LCOR: variants seen among roughly 807,000 people sequenced by gnomAD.
LCOR encodes ligand dependent nuclear receptor corepressor.
LCOR carries 14 observed loss-of-function variants against 64.4 expected under a neutral mutation model. The observed-to-expected ratio is 0.22, with a 90% CI of 0.14 to 0.34. LCOR has a LOEUF of 0.34. LCOR is among the 10% of genes least tolerant of loss of function. The probability of loss-of-function intolerance (pLI) is 1.00; values close to 1 mark genes in which losing one functional copy is unlikely to be tolerated. For missense variants in LCOR, 1,686 were observed against 1,765.3 expected (o/e 0.96, Z 0.80); for synonymous variants, 643 against 642.5 (o/e 1.00, Z -0.01).
chr10:96,874,373 C>G (rs1846128658), intron 2 of LCOR, among the ~76,000 whole-genome samples: 1 of 152,144 alleles, frequency 6.6e-6, no homozygotes, highest in Non-Finnish European at 1.5e-5. Context: ...TCAATGACTC[C>G]TTATAATCTT....
chr10:96,921,430 C>T (rs754309269), intron 4 of LCOR, among the ~76,000 whole-genome samples: 10 of 151,962 alleles, frequency 6.6e-5, no homozygotes, highest in Non-Finnish European at 1.3e-4. Flanking sequence ...ATACGGTGTA[C>T]GGCAAGGATC....
intron 2 of LCOR, among the ~76,000 whole-genome samples, chr10:96,874,450 C>T (rs1846129819): frequency 6.6e-6 from 1 of 152,004 alleles, no homozygotes; most frequent in Admixed American, 6.6e-5. Flanking sequence ...ACTATTTTAC[C>T]CAATTTATCT....
intron 5 of LCOR, among the ~76,000 whole-genome samples, chr10:96,945,573 A>G (rs1223478250): frequency 6.6e-6 from 1 of 152,062 alleles, no homozygotes; most frequent in African/African-American, 2.4e-5. Flanking sequence ...CAAAATAATC[A>G]TTTTCTTAGT....
chr10:96,875,232 AAGTT>A (rs1463378971), intron 2 of LCOR, among the ~76,000 whole-genome samples: 2 of 151,764 alleles, frequency 1.3e-5, no homozygotes, highest in Non-Finnish European at 2.9e-5. Flanking sequence ...AAAATACAAA[AAGTT>A]AGCCGAGCGT....
intron 2 of LCOR, among the ~76,000 whole-genome samples, chr10:96,847,462 A>G (rs1283708508): frequency 2.0e-5 from 3 of 151,806 alleles, no homozygotes; most frequent in African/African-American, 7.3e-5. Flanking sequence ...TTTTTGAGAC[A>G]GAGTTTTGCT....
chr10:96,850,161 A>G lies in LCOR; in HGVS notation c.-330+16682A>G, dbSNP rs949089504. On this transcript the variant is annotated intron_variant, in intron 2 of 7. Transcript: ENST00000421806. ...TTAGTAAAAAATAGAAAAGCACTGC[A>G]TGAAGCTGAAAATGACCTTGATTAG... Among the ~76,000 whole-genome samples the G allele has an allele frequency of 3.9e-5, 6 of 152,214 alleles. No homozygotes were observed. In the East Asian group the frequency reaches 1.2e-3, roughly 29 times the overall value.
intron 4 of LCOR, among the ~76,000 whole-genome samples, chr10:96,930,559 G>A (rs1847240401): frequency 6.6e-6 from 1 of 152,132 alleles, no homozygotes; most frequent in Admixed American, 6.5e-5. Flanking sequence ...TTTTTATACT[G>A]TCATTTCCCT....
At chr10:96,948,201 T>C (rs1195246921) in intron 5 of LCOR, among the ~76,000 whole-genome samples, 1 of 152,220 alleles carries the variant, frequency 6.6e-6, no homozygotes, top group African/African-American at 2.4e-5. Context: ...AAATTGATAA[T>C]TTAGATGTTT....
intron 7 of LCOR, among the ~76,000 whole-genome samples, chr10:96,972,728 A>G (rs1848009017): frequency 6.6e-6 from 1 of 152,236 alleles, no homozygotes; most frequent in Non-Finnish European, 1.5e-5. Context: ...ATCTAGGGAT[A>G]TTAAGCCTTA....
At chr10:96,877,192 T>G (rs1302593216) in intron 2 of LCOR, among the ~76,000 whole-genome samples, 1 of 152,150 alleles carries the variant, frequency 6.6e-6, no homozygotes, top group Non-Finnish European at 1.5e-5. Context: ...TGGATTTAAC[T>G]ATATCAAATC....
chr10:96,906,879 T>TA (rs1384007630), intron 2 of LCOR, among the ~76,000 whole-genome samples: 1 of 152,192 alleles, frequency 6.6e-6, no homozygotes. Context: ...AAATGCTATT[T>TA]AGATTATTTT....
chr10:96,978,386 T>C (rs551228069), intron 7 of LCOR, among the ~76,000 whole-genome samples: 4 of 152,376 alleles, frequency 2.6e-5, no homozygotes, highest in Non-Finnish European at 4.4e-5. Context: ...AAGTCCACTT[T>C]ACAGATAGAA....
chr10:96,943,410 A>G (rs571292936), intron 4 of LCOR, among the ~76,000 whole-genome samples: 7 of 152,338 alleles, frequency 4.6e-5, no homozygotes, highest in East Asian at 1.9e-4. Flanking sequence ...TTCACTGTTT[A>G]TATTTCAAAG....
Position 96,945,524 on chromosome 10 carries a change from A to C in LCOR, c.-51+1279A>C, listed in dbSNP as rs180732017. ...CTCCCAGCTGAGTCTCCTATGTCTTATTATCCCTGCACATTGCTCAGAATT... is the reference window on the plus strand; with the variant it reads ...CTCCCAGCTGAGTCTCCTATGTCTTCTTATCCCTGCACATTGCTCAGAATT... On this transcript the variant is annotated intron_variant, in intron 5 of 7. Coordinates refer to ENST00000421806, the MANE Select transcript of LCOR (RefSeq NM_001346516.2). 1.2e-3 allele frequency among the ~76,000 whole-genome samples: 183 copies of C among 152,260 alleles called. 1 individual carries two copies. The highest frequency in any genetic ancestry group is 2.1e-3 in the Non-Finnish European group (141 of 67,970).
At chr10:96,963,473 T>C (rs781028328) in intron 7 of LCOR, 3 of 152,168 alleles carry the variant, frequency 2.0e-5, no homozygotes, top group Admixed American at 1.3e-4. Context: ...GCAATGTCTT[T>C]AGAGAATTTT....
chr10:96,833,923 G>A (rs748318070), intron 2 of LCOR, among the ~76,000 whole-genome samples: 3 of 152,010 alleles, frequency 2.0e-5, no homozygotes, highest in Non-Finnish European at 2.9e-5. Context: ...GGGTGGAGGG[G>A]GTGTGGAGAG....
At chr10:96,854,308 C>G (rs531603960) in intron 2 of LCOR, among the ~76,000 whole-genome samples, 2 of 152,092 alleles carry the variant, frequency 1.3e-5, no homozygotes, top group Non-Finnish European at 2.9e-5. Context: ...CATTTACAAT[C>G]TACATCAGAA....
At chr10:96,956,042 C>T in intron 7 of LCOR, 1 of 1,475,900 alleles carries the variant, frequency 6.8e-7, no homozygotes, top group Non-Finnish European at 8.9e-7. Flanking sequence ...GCAGATTTTG[C>T]ATTGACTTGT....
intron 2 of LCOR, among the ~76,000 whole-genome samples, chr10:96,861,366 A>G (rs1370423739): frequency 1.3e-5 from 2 of 152,202 alleles, no homozygotes; most frequent in Admixed American, 1.3e-4. Flanking sequence ...AATATTTTTG[A>G]CAGTGGTAGT....
Sources: gnomAD v4.1 joint callset for allele counts (sites outside exome capture counted in the v4.1 genomes callset) on GRCh38, gnomAD v4.1.1 for gene constraint, MANE v1.5 for transcripts, NCBI Gene and HGNC (gene_info 2026-07-23, HGNC 2026-07-21) for gene names.